AGRN: variants seen among roughly 807,000 people sequenced by gnomAD.
AGRN encodes the protein agrin, also known as agrin proteoglycan.
A neutral mutation model predicts 211.0 loss-of-function variants in AGRN; 106 were observed. The ratio of observed to expected loss-of-function variants is 0.50; its 90% CI spans 0.43 to 0.59. AGRN has a LOEUF of 0.59. Among genes scored for constraint, AGRN ranks in the 20% least tolerant of loss-of-function variants. The probability of loss-of-function intolerance (pLI) is 0.00; values close to 1 mark genes in which losing one functional copy is unlikely to be tolerated. For missense variants in AGRN, 3,040 were observed against 2,982.6 expected (o/e 1.02, Z -0.45); for synonymous variants, 1,525 against 1,332.5 (o/e 1.14, Z -3.15).
At position 1,043,611 on chromosome 1, in the gene AGRN, C is replaced by G; in HGVS notation, c.1677C>G (p.Cys559Trp). The G allele has an allele frequency of 6.2e-7, 1 of 1,604,676 alleles. No individual in the cohort carries two copies. Among genetic ancestry groups the G allele is most frequent in the Non-Finnish European group, 8.5e-7 (1 of 1,179,748 alleles). The change falls in exon 9 of 36, where the codon TGC becomes TGG. Residue 559 changes from cysteine (C) to tryptophan (W), a missense_variant. Around this residue, in one of 3 missense-constraint regions of AGRN, gnomAD observed 1,498 missense variants for 1,457.8 expected, o/e 1.03. Transcript: ENST00000379370. ...GGCGCTGCGTGTGCCCCTCTGAATG[C>G]GTGGCTTTGGCCCAGCCCGTGTGTG... ...ETGRCVCPSE[C>W]VALAQPVCGS...
chr1:1,053,496 G>C, intron 33 of AGRN: 2 of 1,518,080 alleles, frequency 1.3e-6, no homozygotes, highest in Non-Finnish European at 1.8e-6. Flanking sequence ...CTTCACAGGT[G>C]AGCACGTGGC....
In AGRN at chr1:1,020,355, G is replaced by C. The variant is rs951245406; in HGVS notation, c.183G>C (p.Gln61His). Residue 61 changes from glutamine (Q) to histidine (H), a missense_variant, in exon 1 of 36, where the codon CAG becomes CAC. Gln to His is a conservative substitution (Grantham distance 24). Around this residue, in one of 3 missense-constraint regions of AGRN, gnomAD observed 1,498 missense variants for 1,457.8 expected, o/e 1.03. Transcript: ENST00000379370. Reference sequence around the variant, plus strand: ...AGATCCTCAACGTGGACCCGGTGCAGCACACGTACTCCTGCAAGGTGCGCC... The same window carrying C: ...AGATCCTCAACGTGGACCCGGTGCACCACACGTACTCCTGCAAGGTGCGCC... ...VEEILNVDPVQHTYSCKVRVW... is the reference protein window; with the variant it reads ...VEEILNVDPVHHTYSCKVRVW... 8.9e-5 allele frequency: 133 copies of C among 1,498,706 alleles called. No individual in the cohort carries two copies. The Middle Eastern group carries it at 1.4e-3, about 15-fold the overall frequency. 92.8% of individuals were successfully genotyped at this position (1,498,706 alleles called of 1,614,324 possible).
intron 2 of AGRN, among the ~76,000 whole-genome samples, chr1:1,028,332 C>CTG (rs1557686755): frequency 6.9e-6 from 1 of 144,410 alleles, no homozygotes; most frequent in African/African-American, 2.6e-5. Flanking sequence ...CCCCCCCCCC[C>CTG]CCCCGCCCTG....
rs548532513 is a variant in AGRN at position 1,042,696 on chromosome 1, C to T, written c.1384+534C>T. On this transcript the variant is annotated intron_variant, in intron 7 of 35. Coordinates refer to ENST00000379370, the MANE Select transcript of AGRN (RefSeq NM_198576.4). ...CCGCCTCTTGTGTCTTCCAGCCTGA[C>T]CTGCTGGCAGGATGAGGTGCCGTGC... Among the ~76,000 whole-genome samples the T allele has an allele frequency of 1.2e-4, 19 of 152,334 alleles. No homozygotes were observed. In the South Asian group the frequency reaches 2.5e-3, roughly 20 times the overall value.
intron 7 of AGRN, among the ~76,000 whole-genome samples, chr1:1,042,916 A>G (rs1644984752): frequency 6.6e-6 from 1 of 151,436 alleles, no homozygotes; most frequent in Non-Finnish European, 1.5e-5. Context: ...TGTCCTGGGG[A>G]TGCTGGTGGT....
intron 19 of AGRN, 54 bp from the exon 20 acceptor site, chr1:1,047,273 C>A: frequency 6.4e-7 from 1 of 1,550,478 alleles, no homozygotes; most frequent in Non-Finnish European, 8.7e-7. Context: ...GTGCCTGGGC[C>A]AGCCTGGATG....
At position 1,051,026 on chromosome 1, in the gene AGRN, G is replaced by A. The variant is rs1258059557; in HGVS notation, c.5253+189G>A. ...TCTGCAACCCCACCCGCTCTTCGGAGGCCAGAAATCCCGCAAGGTACTGTC... is the reference window on the plus strand; with the variant it reads ...TCTGCAACCCCACCCGCTCTTCGGAAGCCAGAAATCCCGCAAGGTACTGTC... On this transcript the variant is annotated intron_variant, in intron 30 of 35. Transcript: ENST00000379370. The A allele has an allele frequency of 1.9e-6, 3 of 1,549,290 alleles. No homozygotes were observed. The highest frequency in any genetic ancestry group is 3.9e-5 in the Admixed American group (2 of 50,984).
chr1:1,022,297 C>T lies in AGRN; in HGVS notation c.298C>T (p.Pro100Ser), dbSNP rs773486550. The change falls in exon 2 of 36, where the codon CCC (proline) becomes TCC (serine). Residue 100 changes from proline to serine, a missense_variant. Physicochemically the swap from Pro to Ser is moderately conservative, Grantham distance 74. Coordinates refer to ENST00000379370, the MANE Select transcript of AGRN (RefSeq NM_198576.4). ...NKVVISGFGD[P>S]LICDNQVSTG... is the part of the protein sequence containing the mutation. ...GGTGGTGATCAGCGGCTTTGGAGAC[C>T]CCCTCATCTGTGACAACCAGGTGTC... The T allele has an allele frequency of 1.2e-6, 2 of 1,613,322 alleles. No homozygotes were observed. Among genetic ancestry groups the T allele is most frequent in the Admixed American group, 1.7e-5 (1 of 60,028 alleles).
chr1:1,053,673 G>C (rs1400736126), intron 33 of AGRN, 80 bp from the exon 34 acceptor site: 6 of 1,511,192 alleles, frequency 4.0e-6, no homozygotes, highest in Non-Finnish European at 5.4e-6. Flanking sequence ...CTCCGCAGCT[G>C]GGGCCCTTGT....
intron 4 of AGRN, 130 bp from the exon 5 acceptor site, chr1:1,041,043 G>T (rs1236456836): frequency 4.6e-6 from 3 of 647,794 alleles, no homozygotes; most frequent in East Asian, 4.7e-5. Context: ...GGGCGGGAGC[G>T]GGGGCGGGGC....
chr1:1,043,710 C>T lies in AGRN; in HGVS notation c.1776C>T (p.His592=), dbSNP rs763322910. The T allele has an allele frequency of 1.4e-5, 23 of 1,600,698 alleles. No individual in the cohort carries two copies. The highest frequency in any genetic ancestry group is 9.9e-5 in the South Asian group (9 of 91,072). The change falls in exon 9 of 36, where the codon CAC becomes CAT. Residue 592 remains histidine (H), a synonymous_variant. Coordinates refer to ENST00000379370, the MANE Select transcript of AGRN (RefSeq NM_198576.4). ...CCTGCACACACCAGATCAGCCTGCA[C>T]GTGGCCTCAGCTGGACCCTGTGGTG... ...VHACTHQISL[H]VASAGPCETC...
At chr1:1,037,188 G>A (rs965462885) in intron 3 of AGRN, among the ~76,000 whole-genome samples, 1 of 152,210 alleles carries the variant, frequency 6.6e-6, no homozygotes. Context: ...CAAGAACTGC[G>A]TTTCCACCAC....
chr1:1,051,144 GC>G, intron 30 of AGRN, 108 bp from the exon 31 acceptor site: 1 of 777,306 alleles, frequency 1.3e-6, no homozygotes, highest in Non-Finnish European at 2.1e-6. Flanking sequence ...GATTAACGCT[GC>G]CCCCTAGATA....
chr1:1,034,452 C>T, intron 2 of AGRN: 1 of 985,722 alleles, frequency 1.0e-6, no homozygotes, highest in East Asian at 1.1e-4. Flanking sequence ...GTCCGCCGCC[C>T]CAGGGGTCCC....
intron 1 of AGRN, 102 bp downstream of exon 1, chr1:1,020,475 C>A (rs1054551875): frequency 6.8e-6 from 8 of 1,171,344 alleles, no homozygotes; most frequent in Admixed American, 3.5e-5. Flanking sequence ...CCGCAGCCCC[C>A]GCTCCGGCTC....
Position 1,032,457 on chromosome 1 carries a change from G to A in AGRN, c.464-2820G>A, listed in dbSNP as rs1220361890. On this transcript the variant is annotated intron_variant, in intron 2 of 35. Transcript: ENST00000379370. This position sits in a 1 kb window ranked among gnomAD's most constrained non-coding sequence, Gnocchi z 4.7. ...ACAGGGCACCTGGAAGGAAGGAGGC[G>A]TTGGGGAGAGTCCAGATGGAGGCCA... Among the ~76,000 whole-genome samples the A allele has an allele frequency of 2.0e-5, 3 of 152,188 alleles. No individual in the cohort carries two copies. Among genetic ancestry groups the A allele is most frequent in the Admixed American group, 6.5e-5 (1 of 15,278 alleles).
At position 1,047,582 on chromosome 1, in the gene AGRN, C is replaced by T; in HGVS notation, c.3526C>T (p.Leu1176Phe). 1.2e-6 allele frequency: 2 copies of T among 1,612,956 alleles called. No individual in the cohort carries two copies. Among genetic ancestry groups the T allele is most frequent in the South Asian group, 2.2e-5 (2 of 91,092 alleles). Reference sequence around the variant, plus strand: ...CTACTCCCTGCCACAGCTGGACGACCTCTTCCGGAATTCAGACGTCAAGAA... The same window carrying T: ...CTACTCCCTGCCACAGCTGGACGACTTCTTCCGGAATTCAGACGTCAAGAA... ...ARSIESTLDD[L>F]FRNSDVKKDF... The change falls in exon 21 of 36, where the codon CTC becomes TTC. Residue 1176 changes from leucine to phenylalanine, a missense_variant. Leu to Phe is a conservative substitution (Grantham distance 22). Around this residue, in one of 3 missense-constraint regions of AGRN, gnomAD observed 1,537 missense variants for 1,505.0 expected, o/e 1.02. Coordinates refer to ENST00000379370, the MANE Select transcript of AGRN (RefSeq NM_198576.4).
chr1:1,055,322 G>A lies in AGRN; in HGVS notation c.*341G>A. 1 of 391,472 alleles carries A rather than the reference G, an allele frequency of 2.6e-6. No homozygotes were observed. Among genetic ancestry groups the A allele is most frequent in the South Asian group, 2.1e-5 (1 of 47,612 alleles). 24.2% of individuals were successfully genotyped at this position (391,472 alleles called of 1,614,324 possible). On this transcript the variant is annotated 3_prime_UTR_variant, in exon 36 of 36. Transcript: ENST00000379370. ...TCCGTCAGGCGGGACTCGTGTCCCA[G>A]AGAGGAAGGGGCTGCTGAGGTCTGA...
intron 2 of AGRN, among the ~76,000 whole-genome samples, chr1:1,023,384 A>G (rs1005876604): frequency 2.6e-5 from 4 of 152,100 alleles, no homozygotes; most frequent in Non-Finnish European, 4.4e-5. Flanking sequence ...AAAATAAGGA[A>G]CGCTGCGGCC....
Sources: gnomAD v4.1 joint callset for allele counts (sites outside exome capture counted in the v4.1 genomes callset) on GRCh38, gnomAD v4.1.1 for gene constraint, gnomAD v4.1.1 regional missense constraint, Gnocchi (gnomAD v3.1) non-coding constraint, MANE v1.5 for transcripts, NCBI Gene and HGNC (gene_info 2026-07-23, HGNC 2026-07-21) for gene names.